Variants in WWOX observed in about 807,000 individuals in gnomAD.
WWOX encodes the protein WW domain containing oxidoreductase.
Under a neutral mutation model 46.2 loss-of-function variants are expected in WWOX, and 69 were observed. That is an observed-to-expected ratio of 1.49 (90% CI 1.23 to 1.82). The LOEUF (loss-of-function observed/expected upper bound fraction) is 1.82. Ranked by LOEUF, WWOX falls within the 40% of genes most tolerant of loss-of-function variation. The probability of loss-of-function intolerance (pLI) is 0.00; values close to 1 mark genes in which losing one functional copy is unlikely to be tolerated. For missense variants in WWOX, 919 were observed against 542.6 expected (o/e 1.69, Z -6.89); for synonymous variants, 359 against 202.6 (o/e 1.77, Z -6.56).
intron 6 of WWOX, among the ~76,000 whole-genome samples, chr16:78,416,387 C>T (rs911240832): frequency 2.6e-5 from 4 of 152,172 alleles, no homozygotes; most frequent in African/African-American, 7.2e-5. Context: ...CAAAGTCAAG[C>T]ACTTTATAGT....
chr16:78,228,428 A>G (rs1488516730), intron 5 of WWOX, among the ~76,000 whole-genome samples: 2 of 142,580 alleles, frequency 1.4e-5, no homozygotes, highest in Non-Finnish European at 3.0e-5. Context: ...TGCAGCCTTG[A>G]CCTCCTGGGT....
chr16:78,598,672 G>C (rs897531520), intron 8 of WWOX, among the ~76,000 whole-genome samples: 26 of 152,134 alleles, frequency 1.7e-4, no homozygotes. Flanking sequence ...TCACAGCACT[G>C]GTTGAAGCAG....
At chr16:78,136,219 C>T (rs755852000) in intron 4 of WWOX, among the ~76,000 whole-genome samples, 1 of 152,144 alleles carries the variant, frequency 6.6e-6, no homozygotes, top group Non-Finnish European at 1.5e-5. Context: ...ATAATGATTA[C>T]TCTTATAATG....
chr16:78,904,855 A>C (rs563251927), intron 8 of WWOX, among the ~76,000 whole-genome samples: 6 of 152,244 alleles, frequency 3.9e-5, no homozygotes, highest in African/African-American at 1.4e-4. Context: ...AAAGAAAATA[A>C]CCATTTTTTC....
intron 5 of WWOX, among the ~76,000 whole-genome samples, chr16:78,180,659 C>T (rs985803250): frequency 2.6e-5 from 4 of 151,096 alleles, no homozygotes; most frequent in Admixed American, 6.6e-5. Flanking sequence ...TAAACCCAGC[C>T]GCACCGGAGA....
At position 78,655,909 on chromosome 16, in the gene WWOX, C is replaced by T. The variant is rs188322035; in HGVS notation, c.1056+223157C>T. ...TTTCTCAGTACCCCAGCTCTGTATTCGAGCGTGGTTATCTTTGTGCATCTT... is the reference window on the plus strand; with the variant it reads ...TTTCTCAGTACCCCAGCTCTGTATTTGAGCGTGGTTATCTTTGTGCATCTT... On this transcript the variant is annotated intron_variant, in intron 8 of 8. Coordinates refer to ENST00000566780, the MANE Select transcript of WWOX (RefSeq NM_016373.4). 1.8e-3 allele frequency among the ~76,000 whole-genome samples: 272 copies of T among 152,180 alleles called. 2 individuals are homozygous for T. Among genetic ancestry groups the T allele is most frequent in the East Asian group, 7.2e-3 (37 of 5,162 alleles).
At chr16:78,134,305 G>A (rs569492502) in intron 4 of WWOX, among the ~76,000 whole-genome samples, 28 of 152,060 alleles carry the variant, frequency 1.8e-4, no homozygotes, top group Non-Finnish European at 4.0e-4. Context: ...TTAATGGTGG[G>A]CATTGCAGTC....
intron 8 of WWOX, among the ~76,000 whole-genome samples, chr16:78,918,417 G>A (rs1356995010): frequency 3.3e-5 from 5 of 151,918 alleles, no homozygotes; most frequent in South Asian, 4.2e-4. Context: ...CCTAGGTCGT[G>A]TCCTATCCCT....
chr16:78,866,495 G>A (rs2044006750), intron 8 of WWOX, among the ~76,000 whole-genome samples: 1 of 151,904 alleles, frequency 6.6e-6, no homozygotes, highest in South Asian at 2.1e-4. Flanking sequence ...TGTCCTTCAG[G>A]TTAGTAAAAC....
intron 1 of WWOX, among the ~76,000 whole-genome samples, chr16:78,104,087 AGCCGTCCTTGTTT>A (rs1325107465): frequency 1.3e-5 from 2 of 152,196 alleles, no homozygotes; most frequent in Middle Eastern, 3.4e-3. Context: ...TCAGTGTCAG[AGCCGTCCTTGTTT>A]GCCCTTCCCC....
Position 78,753,854 on chromosome 16 carries a change from ATG to A in WWOX, c.1056+321104_1056+321105del, listed in dbSNP as rs778935857. On this transcript the variant is annotated intron_variant, in intron 8 of 8. Coordinates refer to ENST00000566780, the MANE Select transcript of WWOX (RefSeq NM_016373.4). ...TATATATATATATATATATATATAT[ATG>A]TATATGTATATGTATATATAAATTT... Among the ~76,000 whole-genome samples, 314 of 82,686 alleles carry A rather than the reference ATG, an allele frequency of 3.8e-3. 2 individuals carry two copies. Among genetic ancestry groups the A allele is most frequent in the African/African-American group, 0.01 (198 of 19,606 alleles). The allele number at this position is 82,686 out of a possible 152,430, so 54.2% of individuals were successfully genotyped here.
At chr16:78,426,301 G>A (rs776877786) in intron 7 of WWOX, among the ~76,000 whole-genome samples, 19 of 152,262 alleles carry the variant, frequency 1.2e-4, no homozygotes, top group African/African-American at 1.7e-4. Context: ...AAATCTGCCA[G>A]CCCCAGTCAT....
intron 8 of WWOX, among the ~76,000 whole-genome samples, chr16:78,943,620 G>T (rs988717581): frequency 2.0e-5 from 3 of 152,180 alleles, no homozygotes; most frequent in African/African-American, 7.2e-5. Context: ...TCCACTCTGT[G>T]TGGCCCCGTC....
intron 8 of WWOX, among the ~76,000 whole-genome samples, chr16:78,994,058 A>G (rs1021255006): frequency 7.2e-5 from 11 of 152,198 alleles, no homozygotes; most frequent in Non-Finnish European, 1.6e-4. Context: ...CTGCTTAGCC[A>G]CTGAGGATGT....
intron 8 of WWOX, among the ~76,000 whole-genome samples, chr16:78,694,605 A>T (rs942378767): frequency 6.6e-6 from 1 of 152,228 alleles, no homozygotes; most frequent in Non-Finnish European, 1.5e-5. Flanking sequence ...CAGCCCATTT[A>T]TTCACATTAA....
intron 5 of WWOX, among the ~76,000 whole-genome samples, chr16:78,264,054 T>C (rs2079309589): frequency 6.9e-6 from 1 of 145,686 alleles, no homozygotes; most frequent in African/African-American, 2.5e-5. Context: ...CATTTATCTC[T>C]GGATGGTTTG....
intron 8 of WWOX, among the ~76,000 whole-genome samples, chr16:78,565,146 T>C (rs979070098): frequency 3.9e-5 from 6 of 152,254 alleles, no homozygotes; most frequent in African/African-American, 1.2e-4. Context: ...ACTCTGACTT[T>C]GGCATTGGTG....
At chr16:78,341,351 T>C (rs2081010648) in intron 5 of WWOX, among the ~76,000 whole-genome samples, 1 of 121,132 alleles carries the variant, frequency 8.3e-6, no homozygotes, top group Non-Finnish European at 2.0e-5. Context: ...TGTATTGTCA[T>C]GTTGTTTTAT....
intron 8 of WWOX, among the ~76,000 whole-genome samples, chr16:78,830,332 T>TATATATATACACATATGATA (rs1286476643): frequency 1.3e-5 from 2 of 152,088 alleles, no homozygotes; most frequent in Non-Finnish European, 2.9e-5. Context: ...ACATAAAACA[T>TATATATATACACATATGATA]ATATGTACAT....
Sources: gnomAD v4.1 joint callset for allele counts (sites outside exome capture counted in the v4.1 genomes callset) on GRCh38, gnomAD v4.1.1 for gene constraint, MANE v1.5 for transcripts, NCBI Gene and HGNC (gene_info 2026-07-23, HGNC 2026-07-21) for gene names.